Variants in B3GALT1 observed in about 807,000 individuals in gnomAD.
The protein encoded by B3GALT1 is beta-1,3-galactosyltransferase 1.
B3GALT1 carries 10 observed loss-of-function variants against 23.2 expected under a neutral mutation model. The ratio of observed to expected loss-of-function variants is 0.43; its 90% CI spans 0.27 to 0.73. The LOEUF (loss-of-function observed/expected upper bound fraction) is 0.73. Ranked by LOEUF, B3GALT1 falls within the 30% of genes least tolerant of loss-of-function variation. The pLI is 0.21. For missense variants in B3GALT1, 299 were observed against 405.4 expected (o/e 0.74, Z 2.25); for synonymous variants, 156 against 141.5 (o/e 1.10, Z -0.73).
intron 3 of B3GALT1, among the ~76,000 whole-genome samples, chr2:167,738,084 G>A (rs1313651493): frequency 2.7e-5 from 4 of 149,330 alleles, no homozygotes; most frequent in Non-Finnish European, 6.0e-5. Flanking sequence ...TGAAAGGGAA[G>A]ATTAGAGAAA....
intron 1 of B3GALT1, among the ~76,000 whole-genome samples, chr2:167,479,460 T>G (rs1433858422): frequency 1.3e-5 from 2 of 152,200 alleles, no homozygotes; most frequent in Admixed American, 1.3e-4. Context: ...GATATATGTT[T>G]GTGGGAGAGC....
At chr2:167,775,681 T>TACAC (rs147735818) in intron 3 of B3GALT1, among the ~76,000 whole-genome samples, 14,842 of 150,308 alleles carry the variant, frequency 0.099, 1,364 homozygotes, top group African/African-American at 0.22. Context: ...TTTGAAAGTA[T>TACAC]ACACACACAC....
intron 1 of B3GALT1, among the ~76,000 whole-genome samples, chr2:167,311,451 G>A (rs1035110972): frequency 6.6e-6 from 1 of 151,960 alleles, no homozygotes; most frequent in Admixed American, 6.6e-5. Flanking sequence ...AGTGTTCTAT[G>A]TTCTGTTTTT....
At chr2:167,857,634 C>T (rs554941755) in intron 4 of B3GALT1, among the ~76,000 whole-genome samples, 23 of 152,134 alleles carry the variant, frequency 1.5e-4, no homozygotes, top group Admixed American at 3.9e-4. Flanking sequence ...GGAGAGCCAG[C>T]ATAAATGACT....
intron 2 of B3GALT1, among the ~76,000 whole-genome samples, chr2:167,534,530 T>G (rs1683383059): frequency 6.6e-6 from 1 of 152,106 alleles, no homozygotes; most frequent in South Asian, 2.1e-4. Context: ...AATGGGGAAA[T>G]CTTTGCTAGC....
rs953981921 is a variant in B3GALT1 at position 167,599,816 on chromosome 2, GT to G, written c.-409-47085del. 2.0e-5 allele frequency among the ~76,000 whole-genome samples: 3 copies of G among 151,876 alleles called. No individual in the cohort carries two copies. In the East Asian group the frequency reaches 5.8e-4, roughly 29 times the overall value. ...CTGATGCATTGCCAACTGGACACAT[GT>G]TTTTTTTCCATTTCTGACAGATTAT... On this transcript the variant is annotated intron_variant, in intron 2 of 4. Coordinates refer to ENST00000392690, the MANE Select transcript of B3GALT1 (RefSeq NM_020981.4).
chr2:167,559,077 C>T (rs1683912362), intron 2 of B3GALT1, among the ~76,000 whole-genome samples: 1 of 152,232 alleles, frequency 6.6e-6, no homozygotes, highest in African/African-American at 2.4e-5. Context: ...GGCAGACTGA[C>T]ACCTCACACG....
intron 4 of B3GALT1, among the ~76,000 whole-genome samples, chr2:167,863,100 AAG>A (rs1690136523): frequency 6.6e-6 from 1 of 152,336 alleles, no homozygotes; most frequent in East Asian, 1.9e-4. Context: ...TCTGTTAAAA[AAG>A]ATTTTTTTTT....
chr2:167,364,870 A>G (rs1485481858), intron 1 of B3GALT1, among the ~76,000 whole-genome samples: 1 of 152,188 alleles, frequency 6.6e-6, no homozygotes, highest in Non-Finnish European at 1.5e-5. Context: ...CAAAATATAC[A>G]TGAGATCCTC....
chr2:167,387,956 A>G (rs999694698), intron 1 of B3GALT1, among the ~76,000 whole-genome samples: 3 of 152,340 alleles, frequency 2.0e-5, no homozygotes, highest in Admixed American at 6.5e-5. Flanking sequence ...AATGCCACCT[A>G]TTACATCACT....
intron 2 of B3GALT1, among the ~76,000 whole-genome samples, chr2:167,563,286 A>C (rs1684056265): frequency 1.8e-5 from 2 of 113,036 alleles, no homozygotes; most frequent in African/African-American, 1.1e-4. Flanking sequence ...GGGGCTCCTC[A>C]CTTCCCAGTA....
intron 1 of B3GALT1, among the ~76,000 whole-genome samples, chr2:167,409,100 T>A (rs1241617935): frequency 6.6e-6 from 1 of 152,170 alleles, no homozygotes; most frequent in Non-Finnish European, 1.5e-5. Context: ...TCTAGAGACA[T>A]CCCCATACTT....
At chr2:167,429,106 C>T (rs1023482124) in intron 1 of B3GALT1, among the ~76,000 whole-genome samples, 6 of 151,572 alleles carry the variant, frequency 4.0e-5, no homozygotes, top group Non-Finnish European at 7.4e-5. Context: ...GGTGAAACCC[C>T]GTCTCTACTA....
At chr2:167,475,632 A>T (rs151131958) in intron 1 of B3GALT1, among the ~76,000 whole-genome samples, 14 of 152,266 alleles carry the variant, frequency 9.2e-5, no homozygotes, top group Non-Finnish European at 1.9e-4. Flanking sequence ...AAAGGCATTA[A>T]GTGTGTGAGT....
At position 167,346,778 on chromosome 2, in the gene B3GALT1, G is replaced by A. The variant is rs144934327; in HGVS notation, c.-511+53444G>A. Among the ~76,000 whole-genome samples the A allele has an allele frequency of 1.4e-3, 210 of 151,502 alleles. 6 individuals are homozygous for A. In the East Asian group the frequency reaches 0.035, roughly 26 times the overall value. On this transcript the variant is annotated intron_variant, in intron 1 of 4. Coordinates refer to ENST00000392690, the MANE Select transcript of B3GALT1 (RefSeq NM_020981.4). The stretch of plus-strand genomic sequence containing the variant: ...GGGTGGTGCGTGTGTGTGTGTGTGC[G>A]TGTGTGTGCGTATACCTGTAATTTA...
intron 4 of B3GALT1, among the ~76,000 whole-genome samples, chr2:167,866,848 T>G (rs1261017285): frequency 6.6e-6 from 1 of 152,236 alleles, no homozygotes; most frequent in Non-Finnish European, 1.5e-5. Context: ...CAGAGAAAGT[T>G]TGCTTTCTAG....
chr2:167,808,602 A>G (rs186843938), intron 3 of B3GALT1, among the ~76,000 whole-genome samples: 1 of 151,942 alleles, frequency 6.6e-6, no homozygotes, highest in Admixed American at 6.5e-5. Context: ...AAGAATATTG[A>G]ATGTTGGCCC....
intron 2 of B3GALT1, among the ~76,000 whole-genome samples, chr2:167,541,434 T>C (rs1683532338): frequency 6.6e-6 from 1 of 152,198 alleles, no homozygotes. Context: ...TTTGTACCAC[T>C]TTTTTCTTAT....
At chr2:167,692,221 TA>T (rs892505898) in intron 3 of B3GALT1, among the ~76,000 whole-genome samples, 89 of 152,256 alleles carry the variant, frequency 5.8e-4, no homozygotes, top group African/African-American at 2.0e-3. Flanking sequence ...AGTGGATATA[TA>T]ACATCATATA....
Sources: allele counts gnomAD v4.1 joint callset (sites outside exome capture counted in the v4.1 genomes callset), GRCh38; gene constraint gnomAD v4.1.1; transcripts MANE v1.5; gene names NCBI Gene and HGNC (gene_info 2026-07-23, HGNC 2026-07-21).